The following GABRA5 variants were observed in gnomAD, a reference collection of about 807,000 sequenced individuals.
GABRA5 encodes the protein gamma-aminobutyric acid type A receptor subunit alpha5.
A neutral mutation model predicts 47.3 loss-of-function variants in GABRA5; 18 were observed. The ratio of observed to expected loss-of-function variants is 0.38; its 90% confidence interval spans 0.26 to 0.56. The LOEUF (loss-of-function observed/expected upper bound fraction) is 0.56. GABRA5 is among the 20% of genes least tolerant of loss of function. The pLI is 0.71. For missense variants in GABRA5, 365 were observed against 599.3 expected, an observed-to-expected ratio of 0.61 and a Z score of 4.08; for synonymous variants, 237 against 229.3, an observed-to-expected ratio of 1.03 and a Z score of -0.30.
At chr15:26,904,982 T>A (rs1408736642) in intron 6 of GABRA5, among the ~76,000 whole-genome samples, 1 of 152,160 alleles carries the variant, frequency 6.6e-6, no homozygotes, top group Non-Finnish European at 1.5e-5. Context: ...TAGCCAGGAC[T>A]TCCAGTACTA....
intron 6 of GABRA5, among the ~76,000 whole-genome samples, chr15:26,910,276 A>G (rs1485626098): frequency 1.3e-5 from 2 of 152,118 alleles, no homozygotes; most frequent in East Asian, 1.9e-4. Context: ...TTACGATGAC[A>G]TAAATCCAAA....
rs1229712554 is a variant in GABRA5 at position 26,937,541 on chromosome 15, T to C, written c.724+213T>C. Among the ~76,000 whole-genome samples, 3 of 152,172 alleles carry C rather than the reference T, an allele frequency of 2.0e-5. No homozygotes were observed. In the East Asian group the frequency reaches 5.8e-4, roughly 29 times the overall value. ...CTCCCAGCCTGCCCCTCCCTGCAGC[T>C]GCACACAGAGGCACCAGCTGTGGCC... On this transcript the variant is annotated intron_variant, in intron 8 of 10. Coordinates refer to ENST00000335625, the MANE Select transcript of GABRA5 (RefSeq NM_000810.4).
At chr15:26,933,947 G>T (rs1828204677) in intron 7 of GABRA5, among the ~76,000 whole-genome samples, 1 of 152,126 alleles carries the variant, frequency 6.6e-6, no homozygotes, top group African/African-American at 2.4e-5. Context: ...TGTCATTGGG[G>T]TGCTGTGACA....
intron 7 of GABRA5, among the ~76,000 whole-genome samples, chr15:26,932,785 A>G (rs139218457): frequency 3.9e-5 from 6 of 152,358 alleles, no homozygotes; most frequent in Non-Finnish European, 5.9e-5. Flanking sequence ...GTGCGGCCAT[A>G]AAAAGGAACA....
intron 8 of GABRA5, 96 bp downstream of exon 8, chr15:26,937,424 T>G (rs1430426027): frequency 6.8e-6 from 9 of 1,325,992 alleles, no homozygotes; most frequent in Admixed American, 5.7e-5. Flanking sequence ...AGGGGCCACG[T>G]GGGAGGCCGC....
At position 26,883,826 on chromosome 15, in the gene GABRA5, A is replaced by G. The variant is rs1892805710; in HGVS notation, c.497+269A>G. Among the ~76,000 whole-genome samples the G allele has an allele frequency of 6.6e-6, 1 of 152,170 alleles. No individual in the cohort carries two copies. Among genetic ancestry groups the G allele is most frequent in the South Asian group, 2.1e-4 (1 of 4,834 alleles). ...GAGCATCTTTGGAACCATGGCCCAT[A>G]TAATGTCGGATAGGGAAAAATTATT... On this transcript the variant is annotated intron_variant, in intron 6 of 10. Transcript: ENST00000335625. The surrounding 1 kb of genome is among the most constrained non-coding windows in gnomAD (Gnocchi z 4.8).
intron 7 of GABRA5, among the ~76,000 whole-genome samples, chr15:26,933,007 C>T (rs1016114656): frequency 6.6e-6 from 1 of 151,722 alleles, no homozygotes; most frequent in Non-Finnish European, 1.5e-5. Flanking sequence ...GGCTTAATAC[C>T]TAGGTGATGG....
At chr15:26,904,751 T>C (rs1893403232) in intron 6 of GABRA5, among the ~76,000 whole-genome samples, 1 of 152,158 alleles carries the variant, frequency 6.6e-6, no homozygotes, top group Non-Finnish European at 1.5e-5. Context: ...ACATTCCTGA[T>C]TTGGCTCTTG....
intron 6 of GABRA5, among the ~76,000 whole-genome samples, chr15:26,897,967 C>T (rs370125558): frequency 4.6e-5 from 7 of 152,254 alleles, no homozygotes; most frequent in East Asian, 3.9e-4. Flanking sequence ...ATAATTTAAA[C>T]GACAGCAAGA....
intron 7 of GABRA5, among the ~76,000 whole-genome samples, chr15:26,922,520 A>G (rs558529681): frequency 3.5e-4 from 53 of 152,274 alleles, no homozygotes; most frequent in African/African-American, 9.4e-4. Flanking sequence ...TACTTTCCCA[A>G]TATTTATCTT....
intron 6 of GABRA5, among the ~76,000 whole-genome samples, chr15:26,886,212 G>T (rs1455196724): frequency 6.6e-6 from 1 of 151,982 alleles, no homozygotes; most frequent in African/African-American, 2.4e-5. Flanking sequence ...TAGGGAGGGG[G>T]TTTCACTACA....
chr15:26,893,722 G>C (rs1893100024), intron 6 of GABRA5, among the ~76,000 whole-genome samples: 1 of 152,054 alleles, frequency 6.6e-6, no homozygotes, highest in Non-Finnish European at 1.5e-5. Flanking sequence ...GAGTGGGCGA[G>C]GGGCTGAGTC....
At chr15:26,896,495 A>C (rs1259976950) in intron 6 of GABRA5, among the ~76,000 whole-genome samples, 1 of 152,078 alleles carries the variant, frequency 6.6e-6, no homozygotes, top group Non-Finnish European at 1.5e-5. Flanking sequence ...ATTTGTTTTT[A>C]TTTTTCTAGG....
intron 6 of GABRA5, among the ~76,000 whole-genome samples, chr15:26,909,877 G>T (rs1415503779): frequency 2.0e-5 from 3 of 152,142 alleles, no homozygotes; most frequent in Admixed American, 6.6e-5. Context: ...CTGTTATTTT[G>T]CCTGCCACTG....
At chr15:26,899,986 G>A (rs903314484) in intron 6 of GABRA5, among the ~76,000 whole-genome samples, 4 of 151,424 alleles carry the variant, frequency 2.6e-5, no homozygotes, top group Non-Finnish European at 5.9e-5. Flanking sequence ...TTCTTCTTTT[G>A]TGTTTAATTG....
chr15:26,906,191 T>G (rs1893440011), intron 6 of GABRA5, among the ~76,000 whole-genome samples: 1 of 152,128 alleles, frequency 6.6e-6, no homozygotes. Flanking sequence ...GTTTTTGAGC[T>G]AATATTGTGA....
chr15:26,868,155 C>T (rs543475676), intron 1 of GABRA5: 6 of 152,098 alleles, frequency 3.9e-5, no homozygotes, highest in Non-Finnish European at 8.8e-5. Flanking sequence ...CCTGGGGGTC[C>T]CTGGCTCGGG....
intron 7 of GABRA5, among the ~76,000 whole-genome samples, chr15:26,935,757 C>CTA (rs1386656193): frequency 1.1e-4 from 17 of 152,200 alleles, no homozygotes; most frequent in African/African-American, 3.9e-4. Flanking sequence ...CAGAGGACCC[C>CTA]TATATCCTCC....
At position 26,937,286 on chromosome 15, in the gene GABRA5, A is replaced by T; in HGVS notation, c.682A>T (p.Met228Leu). ...CTCCAGACTGAACCAGTACCACCTG[A>T]TGGGGCAGACGGTGGGCACTGAGAA... ...DGSRLNQYHL[M>L]GQTVGTENIS... is the part of the protein sequence containing the mutation. The change falls in exon 8 of 11, where the codon ATG becomes TTG. Residue 228 changes from methionine (M) to leucine (L), a missense_variant. Physicochemically the swap from Met to Leu is conservative, Grantham distance 15. Transcript: ENST00000335625. 6.2e-7 allele frequency: 1 copy of T among 1,613,814 alleles called. No individual in the cohort carries two copies. The highest frequency in any genetic ancestry group is 1.3e-5 in the African/African-American group (1 of 75,036).
Sources: allele counts gnomAD v4.1 joint callset (sites outside exome capture counted in the v4.1 genomes callset), GRCh38; gene constraint gnomAD v4.1.1; non-coding constraint Gnocchi (gnomAD v3.1); transcripts MANE v1.5; gene names NCBI Gene and HGNC (gene_info 2026-07-23, HGNC 2026-07-21).